The following SNX24 variants were observed in gnomAD, a reference collection of about 807,000 sequenced individuals.
SNX24 encodes the protein sorting nexin 24, also known as sorting nexin-24.
A neutral mutation model predicts 28.7 loss-of-function variants in SNX24; 22 were observed. The observed-to-expected ratio is 0.77, with a 90% CI of 0.55 to 1.10. SNX24 has a LOEUF of 1.10. Among genes scored for constraint, SNX24 ranks in the 50% least tolerant of loss-of-function variants. The pLI is 0.00. For synonymous variants in SNX24, 69 were observed against 71.5 expected (o/e 0.96, Z 0.18); for missense variants, 221 against 201.1 (o/e 1.10, Z -0.60).
chr5:122,953,680 T>C lies in SNX24; in HGVS notation c.249+7521T>C, dbSNP rs1760067570. ...ATTTAGACAAAGGTTTTTCATGGAG[T>C]TGTGCATACGTTACTTGTTCCATTT... On this transcript the variant is annotated intron_variant, in intron 3 of 6. Coordinates refer to ENST00000261369, the MANE Select transcript of SNX24 (RefSeq NM_014035.4). Among the ~76,000 whole-genome samples the C allele has an allele frequency of 1.3e-5, 2 of 152,194 alleles. 1 individual carries two copies. The highest frequency in any genetic ancestry group is 4.8e-5 in the African/African-American group (2 of 41,454).
intron 3 of SNX24, among the ~76,000 whole-genome samples, chr5:122,960,162 A>G (rs10478570): frequency 0.36 from 55,119 of 152,058 alleles, 10,657 homozygotes; most frequent in African/African-American, 0.47. Context: ...TTGTTGAGTC[A>G]GTAGCTGTTT....
intron 3 of SNX24, chr5:122,965,571 C>T (rs552970271): frequency 2.5e-6 from 1 of 401,090 alleles, no homozygotes; most frequent in Non-Finnish European, 5.1e-6. Flanking sequence ...CTTACCTATA[C>T]AAGAGACAAG....
intron 3 of SNX24, among the ~76,000 whole-genome samples, chr5:122,960,951 GT>G (rs1434324898): frequency 8.5e-5 from 13 of 152,128 alleles, no homozygotes; most frequent in African/African-American, 2.9e-4. Flanking sequence ...TCTTAATGGT[GT>G]TTTCTCATCA....
downstream of SNX24, among the ~76,000 whole-genome samples, chr5:123,011,792 A>G (rs765202442): frequency 1.8e-4 from 27 of 152,194 alleles, no homozygotes; most frequent in Non-Finnish European, 3.5e-4. Context: ...TTAAGCATTG[A>G]ATTGCTATGT....
intron 3 of SNX24, among the ~76,000 whole-genome samples, chr5:122,953,941 G>C (rs376091428): frequency 6.6e-6 from 1 of 152,082 alleles, no homozygotes; most frequent in East Asian, 1.9e-4. Context: ...CTAGAGTGAG[G>C]CTGGCTTGTT....
chr5:122,895,732 A>G (rs1757171669), intron 1 of SNX24, among the ~76,000 whole-genome samples: 1 of 152,264 alleles, frequency 6.6e-6, no homozygotes, highest in South Asian at 2.1e-4. Flanking sequence ...AACTAGCCTA[A>G]GAAAATCCCC....
chr5:122,861,079 C>T (rs568990702), intron 1 of SNX24, among the ~76,000 whole-genome samples: 2 of 152,040 alleles, frequency 1.3e-5, no homozygotes, highest in Admixed American at 1.3e-4. Context: ...GTGGCTGACG[C>T]CTATAATCCC....
chr5:122,965,405 T>C (rs1341778012), intron 3 of SNX24: 1 of 453,958 alleles, frequency 2.2e-6, no homozygotes, highest in Non-Finnish European at 4.4e-6. Context: ...TGAGAACAAA[T>C]AAGGAAAGAT....
chr5:122,862,851 T>C (rs955512247), intron 1 of SNX24, among the ~76,000 whole-genome samples: 1 of 152,026 alleles, frequency 6.6e-6, no homozygotes, highest in Non-Finnish European at 1.5e-5. Flanking sequence ...AGATAAGATA[T>C]TTATATACCC....
At chr5:122,858,670 C>T (rs1351587778) in intron 1 of SNX24, among the ~76,000 whole-genome samples, 1 of 152,208 alleles carries the variant, frequency 6.6e-6, no homozygotes, top group Admixed American at 6.5e-5. Context: ...ACAAGCTTGC[C>T]AACTGAGTGT....
At chr5:122,893,254 G>T (rs932487967) in intron 1 of SNX24, among the ~76,000 whole-genome samples, 2 of 149,146 alleles carry the variant, frequency 1.3e-5, no homozygotes, top group East Asian at 3.9e-4. Flanking sequence ...TCTCCTTCTA[G>T]TCGGCTCTTG....
At chr5:122,997,927 G>A (rs900742989) in intron 3 of SNX24, among the ~76,000 whole-genome samples, 3 of 151,720 alleles carry the variant, frequency 2.0e-5, no homozygotes, top group African/African-American at 7.3e-5. Context: ...CTCTTAAACA[G>A]ATATCTAGAA....
intron 3 of SNX24, among the ~76,000 whole-genome samples, chr5:122,994,676 G>C (rs1305153814): frequency 6.6e-6 from 1 of 152,188 alleles, no homozygotes; most frequent in African/African-American, 2.4e-5. Context: ...TACAGGGGCT[G>C]TTGGTGGTAA....
chr5:123,029,209 A>G, intron 5 of SNX24: 1 of 1,597,632 alleles, frequency 6.3e-7, no homozygotes, highest in Non-Finnish European at 8.5e-7. Context: ...GGTTCATCTG[A>G]CATACTAATT....
rs55693230 is a variant in SNX24 at position 122,854,515 on chromosome 5, C to CAA, written c.60+8833_60+8834dup. Among the ~76,000 whole-genome samples the CAA allele has an allele frequency of 5.2e-3, 633 of 121,430 alleles. 6 individuals are homozygous for CAA. The highest frequency in any genetic ancestry group is 0.012 in the African/African-American group (379 of 30,602). The allele number at this position is 121,430 out of a possible 152,430, so 79.7% of individuals were successfully genotyped here. A position where few individuals can be genotyped will look rare whatever the true frequency, so the allele number is the denominator to read the frequency against. ...AGAGCGAGACTCTGTCTCAAAAAAA[C>CAA]AAAAAAAAAAAACAAAAAAAAAAAC... On this transcript the variant is annotated intron_variant, in intron 1 of 6. Coordinates refer to ENST00000261369, the MANE Select transcript of SNX24 (RefSeq NM_014035.4).
intron 1 of SNX24, among the ~76,000 whole-genome samples, chr5:122,854,962 T>A (rs1210923200): frequency 1.3e-5 from 2 of 152,240 alleles, no homozygotes; most frequent in African/African-American, 2.4e-5. Flanking sequence ...ACTCTAATGA[T>A]CATCTGAGCC....
intron 3 of SNX24, among the ~76,000 whole-genome samples, chr5:122,977,183 G>A (rs946509551): frequency 2.0e-5 from 3 of 152,148 alleles, no homozygotes; most frequent in Non-Finnish European, 2.9e-5. Flanking sequence ...TATTCATAGA[G>A]TTATTCATTT....
At chr5:123,014,981 A>C (rs1209076734) in intron 5 of SNX24, among the ~76,000 whole-genome samples, 1 of 152,194 alleles carries the variant, frequency 6.6e-6, no homozygotes, top group Non-Finnish European at 1.5e-5. Context: ...GTTCTTCTTC[A>C]GTCACCCCAT....
chr5:123,001,119 G>A (rs1430513899), intron 4 of SNX24, among the ~76,000 whole-genome samples: 1 of 152,202 alleles, frequency 6.6e-6, no homozygotes, highest in Non-Finnish European at 1.5e-5. Context: ...ATAGACATTA[G>A]CAATGGCAGT....
Sources: allele counts gnomAD v4.1 joint callset (sites outside exome capture counted in the v4.1 genomes callset), GRCh38; gene constraint gnomAD v4.1.1; transcripts MANE v1.5; gene names NCBI Gene and HGNC (gene_info 2026-07-23, HGNC 2026-07-21).